The following ATF6 variants were observed in gnomAD, a reference collection of about 807,000 sequenced individuals.
ATF6 encodes the protein activating transcription factor 6, also known as cyclic AMP-dependent transcription factor ATF-6 alpha.
ATF6 carries 53 observed loss-of-function variants against 83.6 expected under a neutral mutation model. That is an observed-to-expected ratio of 0.63 (90% CI 0.51 to 0.80). The LOEUF (loss-of-function observed/expected upper bound fraction) is 0.80. ATF6 is among the 30% of genes least tolerant of loss of function. The pLI is 0.00. For missense variants in ATF6, 744 were observed against 797.9 expected, an observed-to-expected ratio of 0.93 and a Z score of 0.81; for synonymous variants, 288 against 285.8, an observed-to-expected ratio of 1.01 and a Z score of -0.08.
intron 15 of ATF6, among the ~76,000 whole-genome samples, chr1:161,922,142 C>A (rs1037893261): frequency 1.3e-5 from 2 of 152,304 alleles, no homozygotes; most frequent in East Asian, 3.9e-4. Context: ...CTACAATTCA[C>A]CCTGCATACT....
At chr1:161,832,687 A>C (rs909952561) in intron 9 of ATF6, among the ~76,000 whole-genome samples, 1 of 152,234 alleles carries the variant, frequency 6.6e-6, no homozygotes, top group African/African-American at 2.4e-5. Context: ...TCAAACTGCA[A>C]GGCGGCAGCG....
At chr1:161,810,327 AAG>A (rs1045878716) in intron 7 of ATF6, among the ~76,000 whole-genome samples, 3 of 152,176 alleles carry the variant, frequency 2.0e-5, no homozygotes, top group African/African-American at 4.8e-5. Flanking sequence ...GAGCAGGAGA[AAG>A]AGAGAAAAGA....
intron 14 of ATF6, among the ~76,000 whole-genome samples, chr1:161,911,733 T>G (rs1311053434): frequency 1.3e-5 from 2 of 152,238 alleles, no homozygotes; most frequent in Non-Finnish European, 2.9e-5. Context: ...TCAGTCAGAA[T>G]CTTTCTTGTA....
intron 7 of ATF6, among the ~76,000 whole-genome samples, chr1:161,813,042 G>A (rs1447857013): frequency 6.6e-6 from 1 of 151,926 alleles, no homozygotes; most frequent in Non-Finnish European, 1.5e-5. Flanking sequence ...TCCTGATGCA[G>A]CTCAGACTTT....
chr1:161,837,292 G>A (rs1464424518), intron 9 of ATF6, among the ~76,000 whole-genome samples: 2 of 152,176 alleles, frequency 1.3e-5, no homozygotes, highest in Non-Finnish European at 2.9e-5. Context: ...TCCAGATTGA[G>A]CTGTTTTGTC....
At chr1:161,951,828 C>T (rs1394918895) in intron 15 of ATF6, among the ~76,000 whole-genome samples, 1 of 152,148 alleles carries the variant, frequency 6.6e-6, no homozygotes, top group Non-Finnish European at 1.5e-5. Context: ...CTCCCAGTTT[C>T]TTAAGCCACT....
In ATF6 at chr1:161,918,238, A is replaced by C. The variant is rs115371361; in HGVS notation, c.1804+5858A>C. On this transcript the variant is annotated intron_variant, in intron 15 of 15. Transcript: ENST00000367942. ...GGTGATAACTTTGTGACCACTTGAA[A>C]ATATTTTACTAGTTTAATAATATTT... Among the ~76,000 whole-genome samples, 1,421 of 152,136 alleles carry C rather than the reference A, an allele frequency of 9.3e-3. 11 individuals carry two copies. Among genetic ancestry groups the C allele is most frequent in the Non-Finnish European group, 0.014 (931 of 67,966 alleles).
intron 1 of ATF6, among the ~76,000 whole-genome samples, chr1:161,771,253 C>T (rs575774259): frequency 1.3e-5 from 2 of 151,840 alleles, no homozygotes; most frequent in Non-Finnish European, 2.9e-5. Flanking sequence ...TCTCTTTATT[C>T]TTCTGTCAGC....
chr1:161,788,749 G>C (rs1179925500), intron 4 of ATF6, among the ~76,000 whole-genome samples: 1 of 152,012 alleles, frequency 6.6e-6, no homozygotes, highest in Non-Finnish European at 1.5e-5. Context: ...GCACTAGGTA[G>C]GGATCTAATT....
chr1:161,820,556 T>C (rs566618900), intron 8 of ATF6, among the ~76,000 whole-genome samples: 1 of 152,198 alleles, frequency 6.6e-6, no homozygotes, highest in East Asian at 1.9e-4. Flanking sequence ...ATCAAGACCA[T>C]CCTGGCCAAC....
At chr1:161,789,716 T>C (rs1684834675) in intron 4 of ATF6, among the ~76,000 whole-genome samples, 1 of 152,232 alleles carries the variant, frequency 6.6e-6, no homozygotes, top group Admixed American at 6.5e-5. Context: ...AGCTTTTTAA[T>C]GTTAAGAAAG....
chr1:161,789,599 CT>C (rs1259350346), intron 4 of ATF6, among the ~76,000 whole-genome samples: 4 of 151,550 alleles, frequency 2.6e-5, no homozygotes, highest in Non-Finnish European at 4.4e-5. Context: ...TAAATTTCTT[CT>C]TTTAGTGTAA....
chr1:161,804,736 A>G (rs1448568006), intron 7 of ATF6, among the ~76,000 whole-genome samples: 1 of 151,940 alleles, frequency 6.6e-6, no homozygotes, highest in Non-Finnish European at 1.5e-5. Flanking sequence ...TAATGTTGAC[A>G]ATCATCACTG....
intron 14 of ATF6, among the ~76,000 whole-genome samples, chr1:161,880,112 G>C (rs556256264): frequency 5.5e-4 from 83 of 152,150 alleles, no homozygotes; most frequent in African/African-American, 2.0e-3. Context: ...TTTCTGTCTT[G>C]AGTGGCTGGT....
chr1:161,942,204 C>T (rs116834496), intron 15 of ATF6, among the ~76,000 whole-genome samples: 77 of 152,304 alleles, frequency 5.1e-4, no homozygotes, highest in Non-Finnish European at 9.4e-4. Context: ...CTCCTCAGCC[C>T]TCATACCATC....
chr1:161,818,682 A>G (rs1571158629), intron 7 of ATF6, among the ~76,000 whole-genome samples: 1 of 152,382 alleles, frequency 6.6e-6, no homozygotes, highest in South Asian at 2.1e-4. Flanking sequence ...GCGAATAAGG[A>G]AACATGTTAG....
chr1:161,942,770 C>T (rs1688673301), intron 15 of ATF6, among the ~76,000 whole-genome samples: 1 of 152,216 alleles, frequency 6.6e-6, no homozygotes, highest in African/African-American at 2.4e-5. Context: ...AATCATGTCA[C>T]ATCTGTCTAG....
Position 161,958,428 on chromosome 1 carries a change from G to A in ATF6, c.1805-18G>A, listed in dbSNP as rs371892518. 114 of 1,575,150 alleles carry A rather than the reference G, an allele frequency of 7.2e-5. No homozygotes were observed. The highest frequency in any genetic ancestry group is 9.1e-5 in the Non-Finnish European group (106 of 1,158,752). On this transcript the variant is annotated intron_variant, in intron 15 of 15. Transcript: ENST00000367942. Reference sequence around the variant, plus strand: ...ATTCTGTTGAATATTTATTCTTTGTGTATATTCCTGTCTGCAGAGAATGTG... The same window carrying A: ...ATTCTGTTGAATATTTATTCTTTGTATATATTCCTGTCTGCAGAGAATGTG...
intron 12 of ATF6, among the ~76,000 whole-genome samples, chr1:161,855,377 G>A (rs139300981): frequency 6.6e-6 from 1 of 152,262 alleles, no homozygotes; most frequent in East Asian, 1.9e-4. Context: ...CTGGATGATT[G>A]GTGATACCAT....
Sources: allele counts gnomAD v4.1 joint callset (sites outside exome capture counted in the v4.1 genomes callset), GRCh38; gene constraint gnomAD v4.1.1; transcripts MANE v1.5; gene names NCBI Gene and HGNC (gene_info 2026-07-23, HGNC 2026-07-21).